MTR: variants seen among roughly 807,000 people sequenced by gnomAD.
The protein encoded by MTR is 5-methyltetrahydrofolate-homocysteine methyltransferase, also known as methionine synthase.
MTR carries 84 observed loss-of-function variants against 154.8 expected under a neutral mutation model. The observed-to-expected ratio is 0.54, with a 90% CI of 0.45 to 0.65. MTR has a LOEUF of 0.65. Among genes scored for constraint, MTR ranks in the 30% least tolerant of loss-of-function variants. The pLI, the probability that MTR is intolerant of heterozygous loss-of-function variation, is 0.00. For missense variants in MTR, 1,275 were observed against 1,570.2 expected (o/e 0.81, Z 3.18); for synonymous variants, 554 against 553.9 (o/e 1.00, Z 0.00).
At chr1:236,837,382 C>T (rs777072358) in intron 14 of MTR, among the ~76,000 whole-genome samples, 1 of 152,192 alleles carries the variant, frequency 6.6e-6, no homozygotes, top group Non-Finnish European at 1.5e-5. Context: ...GATTTTCCTG[C>T]CCCATTCTCC....
chr1:236,880,449 C>T (rs1183963952), intron 24 of MTR, among the ~76,000 whole-genome samples: 4 of 152,190 alleles, frequency 2.6e-5, no homozygotes. Context: ...CTGGTTACCT[C>T]CCTTAAGTCA....
chr1:236,870,656 C>T (rs1227470367), intron 22 of MTR, among the ~76,000 whole-genome samples: 1 of 152,136 alleles, frequency 6.6e-6, no homozygotes, highest in African/African-American at 2.4e-5. Context: ...ACTGACAAGT[C>T]CCAAATTGTA....
At chr1:236,838,047 A>C (rs1312600253) in intron 14 of MTR, among the ~76,000 whole-genome samples, 1 of 152,194 alleles carries the variant, frequency 6.6e-6, no homozygotes, top group African/African-American at 2.4e-5. Flanking sequence ...ACAAGGCTAA[A>C]CCTTAATCCC....
intron 8 of MTR, 73 bp from the exon 9 acceptor site, chr1:236,824,046 C>A: frequency 1.6e-6 from 2 of 1,234,046 alleles, no homozygotes; most frequent in Non-Finnish European, 2.4e-6. Flanking sequence ...GATATATTGT[C>A]TCCATATATA....
chr1:236,871,856 A>T (rs1233804966), intron 22 of MTR, among the ~76,000 whole-genome samples: 1 of 152,044 alleles, frequency 6.6e-6, no homozygotes, highest in Non-Finnish European at 1.5e-5. Flanking sequence ...ACTTTTTTTA[A>T]AAAAGTAATA....
At chr1:236,849,969 G>A (rs1663804580) in intron 15 of MTR, among the ~76,000 whole-genome samples, 1 of 152,106 alleles carries the variant, frequency 6.6e-6, no homozygotes. Context: ...TTCTTTAGTA[G>A]TATTTGATTT....
Position 236,829,275 on chromosome 1 carries a change from C to A in MTR, c.1075+7C>A. On this transcript the variant is annotated splice_region_variant and intron_variant, in intron 12 of 32. Transcript: ENST00000366577. The stretch of plus-strand genomic sequence containing the variant: ...GGACATATGTTACTGTCTGGTGAGT[C>A]ATAAAGACCTGGTATTCCTGATTGC... 6.2e-7 allele frequency: 1 copy of A among 1,608,932 alleles called. No individual in the cohort carries two copies. The highest frequency in any genetic ancestry group is 8.5e-7 in the Non-Finnish European group (1 of 1,175,420).
chr1:236,895,395 A>T lies in MTR; in HGVS notation c.3443A>T (p.Glu1148Val), dbSNP rs1368957034. 33 of 1,604,994 alleles carry T rather than the reference A, an allele frequency of 2.1e-5. No homozygotes were observed. The highest frequency in any genetic ancestry group is 2.8e-5 in the Non-Finnish European group (33 of 1,175,586). ...GAGCTCCATGAAAGAGTTCGCCGAG[A>T]ACTGTGGGCCTACTGTGGCAGTGAG... ...AEELHERVRR[E>V]LWAYCGSEQL... The change falls in exon 31 of 33, where the codon GAA becomes GTA. Residue 1148 changes from glutamate to valine, a missense_variant. Physicochemically the swap from Glu to Val is moderately radical, Grantham distance 121. Coordinates refer to ENST00000366577, the MANE Select transcript of MTR (RefSeq NM_000254.3).
In MTR at chr1:236,826,903, A is replaced by G; in HGVS notation, c.995+7A>G. ...CAACACCAGATCATATCAGGTAATA[A>G]TCACCTATAGACAATATATCTAAAA... On this transcript the variant is annotated splice_region_variant and intron_variant, in intron 11 of 32. Transcript: ENST00000366577. The G allele has an allele frequency of 1.9e-6, 3 of 1,612,020 alleles. No homozygotes were observed. Among genetic ancestry groups the G allele is most frequent in the Non-Finnish European group, 2.5e-6 (3 of 1,178,132 alleles).
At chr1:236,800,754 C>T (rs1660658582) in intron 1 of MTR, among the ~76,000 whole-genome samples, 2 of 152,184 alleles carry the variant, frequency 1.3e-5, no homozygotes, top group South Asian at 4.1e-4. Flanking sequence ...TAATATTTAT[C>T]AGATGTTTAC....
chr1:236,883,254 T>C (rs1380042655), intron 25 of MTR, among the ~76,000 whole-genome samples: 1 of 152,152 alleles, frequency 6.6e-6, no homozygotes, highest in Non-Finnish European at 1.5e-5. Context: ...TGAAAACACA[T>C]GATGGATTTG....
At chr1:236,852,424 T>G in intron 16 of MTR, 97 bp from the exon 17 acceptor site, 2 of 897,146 alleles carry the variant, frequency 2.2e-6, no homozygotes, top group East Asian at 4.8e-5. Flanking sequence ...ATGCTTTTTG[T>G]TTTTTTTTCT....
intron 5 of MTR, among the ~76,000 whole-genome samples, chr1:236,811,300 A>T (rs1420885043): frequency 6.6e-6 from 1 of 152,168 alleles, no homozygotes; most frequent in Non-Finnish European, 1.5e-5. Context: ...GGAATTCAAG[A>T]CGAGATTTGG....
At position 236,863,505 on chromosome 1, in the gene MTR, G is replaced by A; in HGVS notation, c.2356G>A (p.Asp786Asn). Residue 786 changes from aspartate (D) to asparagine (N), a missense_variant, in exon 22 of 33, where the codon GAC becomes AAC. Coordinates refer to ENST00000366577, the MANE Select transcript of MTR (RefSeq NM_000254.3). ...GGCCACTGTTAAAGGCGACGTGCAC[G>A]ACATAGGCAAGAACATAGTTGGAGT... is the stretch of plus-strand genomic sequence containing the variant. ...VLATVKGDVH[D>N]IGKNIVGVVL... is the part of the protein sequence containing the mutation. The A allele has an allele frequency of 1.9e-6, 3 of 1,614,054 alleles. No homozygotes were observed. Among genetic ancestry groups the A allele is most frequent in the Non-Finnish European group, 2.5e-6 (3 of 1,179,972 alleles).
intron 1 of MTR, among the ~76,000 whole-genome samples, chr1:236,798,964 C>T (rs10925234): frequency 0.03 from 4,552 of 152,250 alleles, 248 homozygotes; most frequent in East Asian, 0.21. Context: ...GAAAAATGAC[C>T]TCCTACTGGA....
At chr1:236,857,979 G>T (rs1407913591) in intron 18 of MTR, among the ~76,000 whole-genome samples, 1 of 152,196 alleles carries the variant, frequency 6.6e-6, no homozygotes, top group African/African-American at 2.4e-5. Flanking sequence ...CATAGGTACT[G>T]CATAAATGTA....
chr1:236,892,414 C>T (rs114511729), intron 29 of MTR, among the ~76,000 whole-genome samples: 10,923 of 152,074 alleles, frequency 0.072, 777 homozygotes, highest in African/African-American at 0.19. Context: ...CCTAGGAGAT[C>T]GAGGCTGCAG....
chr1:236,814,300 CAAGAT>C (rs1410557725), intron 6 of MTR, among the ~76,000 whole-genome samples: 1 of 151,976 alleles, frequency 6.6e-6, no homozygotes. Context: ...AGAGCAGTAA[CAAGAT>C]AAGGAATATA....
intron 22 of MTR, among the ~76,000 whole-genome samples, chr1:236,870,872 GC>G (rs1462459670): frequency 1.3e-5 from 2 of 152,124 alleles, no homozygotes; most frequent in African/African-American, 4.8e-5. Flanking sequence ...CGAAACTCTT[GC>G]GTCATCCTCT....
Sources: gnomAD v4.1 joint callset for allele counts (sites outside exome capture counted in the v4.1 genomes callset) on GRCh38, gnomAD v4.1.1 for gene constraint, MANE v1.5 for transcripts, NCBI Gene and HGNC (gene_info 2026-07-23, HGNC 2026-07-21) for gene names.